MORF4L1: variants seen among roughly 807,000 people sequenced by gnomAD.
The protein encoded by MORF4L1 is mortality factor 4 like 1.
In MORF4L1, 4 loss-of-function variants were observed where a neutral mutation model predicts 52.9. The observed-to-expected ratio is 0.08, with a 90% CI of 0.04 to 0.17. MORF4L1 has a LOEUF of 0.17. MORF4L1 is among the 10% of genes least tolerant of loss of function. The pLI, the probability that MORF4L1 is intolerant of heterozygous loss-of-function variation, is 1.00. For missense variants in MORF4L1, 214 were observed against 390.4 expected (o/e 0.55, Z 3.81); for synonymous variants, 123 against 134.8 (o/e 0.91, Z 0.61).
chr15:78,879,543 C>T (rs2056561365), intron 2 of MORF4L1, among the ~76,000 whole-genome samples: 1 of 152,088 alleles, frequency 6.6e-6, no homozygotes. Context: ...AAAAAGAAAT[C>T]CTAAAATGAC....
Position 78,891,009 on chromosome 15 carries a change from A to G in MORF4L1, c.344A>G (p.Gln115Arg). 1 of 1,461,036 alleles carries G rather than the reference A, an allele frequency of 6.8e-7. No homozygotes were observed. Among genetic ancestry groups the G allele is most frequent in the African/African-American group, 1.4e-5 (1 of 70,256 alleles). 90.5% of individuals were successfully genotyped at this position (1,461,036 alleles called of 1,614,324 possible). A position where few individuals can be genotyped will look rare whatever the true frequency, so the allele number is the denominator to read the frequency against. ...NVEVKTKKNK[Q>R]KTPGNGDGGS... ...TTTAGGAAAACGAAAAAGAACAAACAGAAAAGTAAGAATATTAACTTTCTT... is the reference window on the plus strand; with the variant it reads ...TTTAGGAAAACGAAAAAGAACAAACGGAAAAGTAAGAATATTAACTTTCTT... The change falls in exon 6 of 12, where the codon CAG (glutamine) becomes CGG (arginine). Residue 115 changes from glutamine (Q) to arginine (R), a missense_variant. Transcript: ENST00000426013.
chr15:78,895,999 G>A (rs1395540260), intron 11 of MORF4L1, among the ~76,000 whole-genome samples: 1 of 152,028 alleles, frequency 6.6e-6, no homozygotes, highest in Non-Finnish European at 1.5e-5. Context: ...TTCATTTAGA[G>A]ATGGAGTCTT....
At chr15:78,878,294 A>G (rs375150302) in intron 2 of MORF4L1, 35 bp downstream of exon 2, 10 of 1,596,644 alleles carry the variant, frequency 6.3e-6, no homozygotes, top group Non-Finnish European at 7.7e-6. Context: ...AAGTTGGCCA[A>G]AACTACTGGT....
intron 5 of MORF4L1, among the ~76,000 whole-genome samples, chr15:78,888,119 A>C (rs1317221269): frequency 7.0e-6 from 1 of 143,866 alleles, no homozygotes; most frequent in African/African-American, 2.4e-5. Flanking sequence ...ACATCTGATA[A>C]GAAGCCTAGA....
intron 1 of MORF4L1, chr15:78,876,592 C>G (rs1339757240): frequency 4.4e-6 from 2 of 455,804 alleles, no homozygotes; most frequent in East Asian, 1.4e-4. Context: ...AAATGGTAGG[C>G]CATTTTCAGA....
At chr15:78,880,389 G>A in intron 2 of MORF4L1, 123 bp from the exon 3 acceptor site, 1 of 681,086 alleles carries the variant, frequency 1.5e-6, no homozygotes, top group Middle Eastern at 4.1e-4. Context: ...CAAGCTTAGT[G>A]TTCTTAGTCA....
At chr15:78,888,236 A>G (rs771939037) in intron 5 of MORF4L1, among the ~76,000 whole-genome samples, 2 of 152,010 alleles carry the variant, frequency 1.3e-5, no homozygotes, top group African/African-American at 4.8e-5. Flanking sequence ...AGGCTGAGGC[A>G]GGAGAATGGT....
chr15:78,876,466 C>T (rs1023465502), intron 1 of MORF4L1: 2 of 453,122 alleles, frequency 4.4e-6, no homozygotes, highest in Non-Finnish European at 8.9e-6. Flanking sequence ...GGTCATACTC[C>T]TCAGCTAGCT....
chr15:78,872,968 G>C lies in MORF4L1; in HGVS notation c.-50G>C. The C allele has an allele frequency of 6.5e-7, 1 of 1,544,642 alleles. No individual in the cohort carries two copies. The highest frequency in any genetic ancestry group is 1.4e-5 in the African/African-American group (1 of 72,884). ...AGTTGGGTGGGGTAGAGAGTAGGGG[G>C]CGGTAGTCGGGGGTGGTGGGAGAAG... On this transcript the variant is annotated 5_prime_UTR_variant, in exon 1 of 12. Coordinates refer to ENST00000426013, the MANE Select transcript of MORF4L1 (RefSeq NM_006791.4).
intron 1 of MORF4L1, 88 bp from the exon 2 acceptor site, chr15:78,878,125 C>CT: frequency 7.2e-7 from 1 of 1,381,756 alleles, no homozygotes; most frequent in Non-Finnish European, 9.9e-7. Flanking sequence ...CTAGGAATAC[C>CT]TTAATAAAAG....
chr15:78,879,047 T>C (rs2056549508), intron 2 of MORF4L1, among the ~76,000 whole-genome samples: 1 of 151,864 alleles, frequency 6.6e-6, no homozygotes. Context: ...TTTTTTTTCC[T>C]GTGTTCTAAA....
intron 2 of MORF4L1, among the ~76,000 whole-genome samples, chr15:78,879,200 C>CT (rs2056553352): frequency 6.6e-6 from 1 of 152,076 alleles, no homozygotes; most frequent in Non-Finnish European, 1.5e-5. Flanking sequence ...GCGAGACTCT[C>CT]TCTCTCTTTA....
chr15:78,893,040 G>A (rs974953030), intron 8 of MORF4L1: 4 of 153,252 alleles, frequency 2.6e-5, no homozygotes, highest in African/African-American at 9.7e-5. Context: ...TAGCCTTTTT[G>A]TGCTTCTGTT....
Position 78,894,112 on chromosome 15 carries a change from G to A in MORF4L1, c.684G>A (p.Met228Ile). Residue 228 changes from methionine (M) to isoleucine (I), a missense_variant, in exon 10 of 12, where the codon ATG (methionine) becomes ATA (isoleucine). Met to Ile is a conservative substitution (Grantham distance 10). Transcript: ENST00000426013. ...GGATAAAAGAATACTTCAACGTAATGTTGGGTACCCAGCTACTCTATAAAT... is the reference window on the plus strand; with the variant it reads ...GGATAAAAGAATACTTCAACGTAATATTGGGTACCCAGCTACTCTATAAAT... Reference protein sequence around the residue: ...VAGIKEYFNVMLGTQLLYKFE... With the variant: ...VAGIKEYFNVILGTQLLYKFE... The A allele has an allele frequency of 6.2e-7, 1 of 1,613,836 alleles. No individual in the cohort carries two copies. Among genetic ancestry groups the A allele is most frequent in the Non-Finnish European group, 8.5e-7 (1 of 1,179,818 alleles).
At chr15:78,886,954 CAAAA>C (rs61343587) in intron 4 of MORF4L1, among the ~76,000 whole-genome samples, 8 of 119,034 alleles carry the variant, frequency 6.7e-5, no homozygotes, top group Non-Finnish European at 7.1e-5. Context: ...AACTCTGTCT[CAAAA>C]AAAAAAAAAA....
At chr15:78,883,306 A>G (rs1292906668) in intron 3 of MORF4L1, among the ~76,000 whole-genome samples, 1 of 152,058 alleles carries the variant, frequency 6.6e-6, no homozygotes, top group African/African-American at 2.4e-5. Flanking sequence ...ACCTTAAAAA[A>G]TTATTTTAGA....
At chr15:78,887,439 T>C (rs2056724918) in intron 5 of MORF4L1, 90 bp downstream of exon 5, 14 of 1,140,374 alleles carry the variant, frequency 1.2e-5, no homozygotes, top group Non-Finnish European at 1.6e-5. Context: ...AAGTGGAAAC[T>C]TTGGAACATT....
chr15:78,873,192 G>A lies in MORF4L1; in HGVS notation c.40+135G>A, dbSNP rs1419290975. 2.6e-6 allele frequency: 4 copies of A among 1,519,642 alleles called. No individual in the cohort carries two copies. In the African/African-American group the frequency reaches 4.2e-5, roughly 16 times the overall value. The allele number at this position is 1,519,642 out of a possible 1,614,324, so 94.1% of individuals were successfully genotyped here. On this transcript the variant is annotated intron_variant, in intron 1 of 11. Coordinates refer to ENST00000426013, the MANE Select transcript of MORF4L1 (RefSeq NM_006791.4). ...GGCGGCGGTCAGTGCTTTGTGCGGG[G>A]AAAGCGCATTGCGGATGGCAATTCC...
At chr15:78,885,209 AT>A (rs1174714821) in intron 3 of MORF4L1, 477 of 711,708 alleles carry the variant, frequency 6.7e-4, no homozygotes, top group South Asian at 1.5e-3. Context: ...AAAGTCTTAA[AT>A]TTTTTTTTGT....
Sources: allele counts gnomAD v4.1 joint callset (sites outside exome capture counted in the v4.1 genomes callset), GRCh38; gene constraint gnomAD v4.1.1; transcripts MANE v1.5; gene names NCBI Gene and HGNC (gene_info 2026-07-23, HGNC 2026-07-21).